NHSL1: variants seen among roughly 807,000 people sequenced by gnomAD.
NHSL1 encodes the protein NHS-like protein 1.
In NHSL1, 48 loss-of-function variants were observed where a neutral mutation model predicts 95.0. That is an observed-to-expected ratio of 0.51 (90% CI 0.40 to 0.64). NHSL1 has a LOEUF of 0.64. Ranked by LOEUF, NHSL1 falls within the 30% of genes least tolerant of loss-of-function variation. The probability of loss-of-function intolerance (pLI) is 0.00; values close to 1 mark genes in which losing one functional copy is unlikely to be tolerated. For synonymous variants in NHSL1, 783 were observed against 833.9 expected (o/e 0.94, Z 1.05); for missense variants, 1,971 against 2,077.7 (o/e 0.95, Z 1.00).
rs151212100 is a variant in NHSL1 at position 138,428,247 on chromosome 6, A to C, written c.4085+1464T>G. Among the ~76,000 whole-genome samples the C allele has an allele frequency of 1.8e-3, 279 of 152,364 alleles. 1 individual carries two copies. Among genetic ancestry groups the C allele is most frequent in the African/African-American group, 6.5e-3 (272 of 41,588 alleles). On this transcript the variant is annotated intron_variant, in intron 7 of 7. Coordinates refer to ENST00000343505, the MANE Select transcript of NHSL1 (RefSeq NM_001144060.2). ...GCCTGTATATTTAGCAACCCAGTGCATTCCATACTAAATGAAATACTCTGA... is the reference window on the plus strand; with the variant it reads ...GCCTGTATATTTAGCAACCCAGTGCCTTCCATACTAAATGAAATACTCTGA...
At chr6:138,668,626 CTTTTTTT>C (rs1231203513) in intron 1 of NHSL1, among the ~76,000 whole-genome samples, 7 of 130,438 alleles carry the variant, frequency 5.4e-5, no homozygotes, top group African/African-American at 2.0e-4. Context: ...ATTTTTTTTT[CTTTTTTT>C]TTTTTTTTTT....
At chr6:138,489,871 AGGGAGAGAGGGAGAGAGG>A (rs1779950937) in intron 2 of NHSL1, among the ~76,000 whole-genome samples, 1 of 66,918 alleles carries the variant, frequency 1.5e-5, no homozygotes, top group African/African-American at 6.6e-5. Context: ...AGAGAGAGAG[AGGGAGAGAGGGAGAGAGG>A]GAGAGAGGGA....
chr6:138,451,062 A>T (rs1164485419), intron 3 of NHSL1, among the ~76,000 whole-genome samples: 1 of 152,150 alleles, frequency 6.6e-6, no homozygotes, highest in Non-Finnish European at 1.5e-5. Context: ...TGTAAGTCAG[A>T]TCATGTTGCT....
intron 1 of NHSL1, among the ~76,000 whole-genome samples, chr6:138,560,597 T>C (rs1489612127): frequency 6.6e-6 from 1 of 152,224 alleles, no homozygotes; most frequent in Non-Finnish European, 1.5e-5. Context: ...GAGCATTCTA[T>C]GTACTTTCTA....
intron 2 of NHSL1, among the ~76,000 whole-genome samples, chr6:138,481,831 A>C (rs1027422016): frequency 8.5e-5 from 13 of 152,176 alleles, no homozygotes; most frequent in Non-Finnish European, 5.9e-5. Flanking sequence ...CCTCCTAATA[A>C]ATGCAAATTT....
At position 138,615,494 on chromosome 6, in the gene NHSL1, G is replaced by A. The variant is rs146496648; in HGVS notation, c.96+76982C>T. ...CAGGTTCTTTTTTTCTTTTTGAGAC[G>A]GAGTCTCGCTCTGTCGCCCAGGGTG... On this transcript the variant is annotated intron_variant, in intron 1 of 3. Coordinates refer to the NHSL1 transcript ENST00000491526. 5.6e-4 allele frequency among the ~76,000 whole-genome samples: 85 copies of A among 152,230 alleles called. 1 individual carries two copies. In the East Asian group the frequency reaches 0.011, roughly 19 times the overall value.
At chr6:138,691,395 T>C (rs1785667138) in intron 1 of NHSL1, among the ~76,000 whole-genome samples, 2 of 152,208 alleles carry the variant, frequency 1.3e-5, no homozygotes, top group African/African-American at 4.8e-5. Context: ...TCACTGAAAT[T>C]AAATAATTGA....
At chr6:138,440,345 CAT>C (rs1463502925) in intron 5 of NHSL1, among the ~76,000 whole-genome samples, 15 of 152,152 alleles carry the variant, frequency 9.9e-5, no homozygotes, top group South Asian at 4.1e-4. Flanking sequence ...AGAAAGCACA[CAT>C]GTTTCCTTAA....
intron 1 of NHSL1, among the ~76,000 whole-genome samples, chr6:138,636,991 G>T (rs1053244193): frequency 6.6e-6 from 1 of 151,998 alleles, no homozygotes; most frequent in South Asian, 2.1e-4. Flanking sequence ...TAGAGGAAAC[G>T]CATTTCCTGA....
chr6:138,501,823 A>G (rs77282948), upstream of NHSL1, among the ~76,000 whole-genome samples: 6,716 of 152,258 alleles, frequency 0.044, 522 homozygotes, highest in African/African-American at 0.15. Flanking sequence ...TTTGCATGCA[A>G]CCTATGCACA....
In NHSL1 at chr6:138,424,462, G is replaced by C; in HGVS notation, c.4440C>G (p.Ala1480=). The part of the protein sequence containing the change: ...SKNRRAQEEW[A]KNEGLMPRSL... ...TCCGAGGCATCAAGCCTTCGTTCTT[G>C]GCCCACTCCTCCTGCGCCCTTCTGT... The change falls in exon 8 of 8, where the codon GCC becomes GCG. Residue 1480 remains alanine, a synonymous_variant. Coordinates refer to ENST00000343505, the MANE Select transcript of NHSL1 (RefSeq NM_001144060.2). This position sits in a 1 kb window ranked among gnomAD's most constrained non-coding sequence, Gnocchi z 5.9. 1 of 1,551,222 alleles carries C rather than the reference G, an allele frequency of 6.4e-7. No individual in the cohort carries two copies. The highest frequency in any genetic ancestry group is 1.4e-5 in the African/African-American group (1 of 73,142).
At chr6:138,628,297 G>C (rs919460744) in intron 1 of NHSL1, among the ~76,000 whole-genome samples, 7 of 149,846 alleles carry the variant, frequency 4.7e-5, no homozygotes, top group African/African-American at 1.7e-4. Context: ...GGCAACAAGA[G>C]TGAAACTCCA....
intron 1 of NHSL1, among the ~76,000 whole-genome samples, chr6:138,675,046 TAAAAAAAA>T (rs11354812): frequency 8.5e-5 from 12 of 141,242 alleles, no homozygotes; most frequent in Admixed American, 5.7e-4. Context: ...ACCAGTCTCC[TAAAAAAAA>T]AAAAAAATCC....
chr6:138,491,283 CTG>C (rs1780065931), intron 2 of NHSL1, among the ~76,000 whole-genome samples: 1 of 152,182 alleles, frequency 6.6e-6, no homozygotes, highest in Non-Finnish European at 1.5e-5. Flanking sequence ...GTTAAACATA[CTG>C]TGAGAAATTA....
intron 1 of NHSL1, among the ~76,000 whole-genome samples, chr6:138,663,062 C>CAAAAAAAAAAAAAAAAAAA (rs10632082): frequency 1.6e-5 from 2 of 126,694 alleles, no homozygotes; most frequent in African/African-American, 3.2e-5. Flanking sequence ...GAACTCACGG[C>CAAAAAAAAAAAAAAAAAAA]AAAAAAAAAA....
At chr6:138,651,768 T>C (rs946086005) in intron 1 of NHSL1, among the ~76,000 whole-genome samples, 3 of 152,192 alleles carry the variant, frequency 2.0e-5, no homozygotes, top group African/African-American at 4.8e-5. Flanking sequence ...CAAAGTTACA[T>C]TGACAGGAGG....
intron 1 of NHSL1, among the ~76,000 whole-genome samples, chr6:138,590,360 T>C (rs1345455356): frequency 1.3e-5 from 2 of 152,178 alleles, no homozygotes; most frequent in Admixed American, 6.5e-5. Context: ...GAAGCCTACT[T>C]CCACCTTCCC....
chr6:138,490,336 A>G (rs1254599744), intron 2 of NHSL1, among the ~76,000 whole-genome samples: 2 of 152,136 alleles, frequency 1.3e-5, no homozygotes, highest in Admixed American at 6.5e-5. Context: ...GTTCTGGGAA[A>G]GTGCCACAGG....
At chr6:138,425,681 C>T (rs1052934076) in intron 7 of NHSL1, among the ~76,000 whole-genome samples, 5 of 152,142 alleles carry the variant, frequency 3.3e-5, no homozygotes, top group Non-Finnish European at 7.4e-5. Flanking sequence ...GCTTCCTTTT[C>T]TTGTTCCATG....
Sources: gnomAD v4.1 joint callset for allele counts (sites outside exome capture counted in the v4.1 genomes callset) on GRCh38, gnomAD v4.1.1 for gene constraint, Gnocchi (gnomAD v3.1) non-coding constraint, MANE v1.5 for transcripts, NCBI Gene and HGNC (gene_info 2026-07-23, HGNC 2026-07-21) for gene names.